Variants in TSPAN13 observed in about 807,000 individuals in gnomAD.
The protein encoded by TSPAN13 is tetraspanin-13.
In TSPAN13, 18 loss-of-function variants were observed where a neutral mutation model predicts 26.9. That is an observed-to-expected ratio of 0.67 (90% CI 0.46 to 0.99). The LOEUF (loss-of-function observed/expected upper bound fraction) is 0.99. TSPAN13 is among the 50% of genes least tolerant of loss of function. The probability of loss-of-function intolerance (pLI) is 0.00; values close to 1 mark genes in which losing one functional copy is unlikely to be tolerated. For synonymous variants in TSPAN13, 116 were observed against 98.4 expected (o/e 1.18, Z -1.06); for missense variants, 201 against 249.6 (o/e 0.81, Z 1.31).
At chr7:16,772,987 C>T (rs1784698333) in intron 1 of TSPAN13, among the ~76,000 whole-genome samples, 1 of 151,974 alleles carries the variant, frequency 6.6e-6, no homozygotes, top group African/African-American at 2.4e-5. Context: ...GAGAGCAAAA[C>T]TCTGTCTCCA....
intron 1 of TSPAN13, among the ~76,000 whole-genome samples, chr7:16,760,289 C>T (rs1784528578): frequency 1.3e-5 from 2 of 152,090 alleles, no homozygotes; most frequent in African/African-American, 4.8e-5. Context: ...ATAATTTGCA[C>T]ATGAGATGAT....
chr7:16,777,002 C>A, intron 2 of TSPAN13, 40 bp from the exon 3 acceptor site: 2 of 1,421,512 alleles, frequency 1.4e-6, no homozygotes, highest in South Asian at 1.2e-5. Flanking sequence ...TTATGCCATT[C>A]TAAGAATATT....
chr7:16,767,203 T>C (rs1191083118), intron 1 of TSPAN13, among the ~76,000 whole-genome samples: 1 of 152,250 alleles, frequency 6.6e-6, no homozygotes, highest in Non-Finnish European at 1.5e-5. Context: ...GTAGTCACTG[T>C]TCTGAAATCA....
chr7:16,773,259 C>T (rs1784703050), intron 1 of TSPAN13, among the ~76,000 whole-genome samples: 1 of 150,780 alleles, frequency 6.6e-6, no homozygotes, highest in African/African-American at 2.4e-5. Context: ...CCGAAAACTA[C>T]AGCCCACAGC....
intron 1 of TSPAN13, among the ~76,000 whole-genome samples, chr7:16,760,835 C>T (rs903831151): frequency 3.9e-5 from 6 of 151,932 alleles, no homozygotes; most frequent in Non-Finnish European, 8.8e-5. Context: ...GTGAAGAAGT[C>T]GTTGAAAAGA....
intron 1 of TSPAN13, among the ~76,000 whole-genome samples, chr7:16,756,406 G>A (rs1005236474): frequency 6.6e-6 from 1 of 152,210 alleles, no homozygotes; most frequent in Non-Finnish European, 1.5e-5. Context: ...GATTGCATAT[G>A]GGAACGGCAG....
At chr7:16,763,951 G>C (rs1272768908) in intron 1 of TSPAN13, among the ~76,000 whole-genome samples, 1 of 152,146 alleles carries the variant, frequency 6.6e-6, no homozygotes, top group East Asian at 1.9e-4. Context: ...TAGTGTAGTG[G>C]TTTAATATTT....
In TSPAN13 at chr7:16,753,938, G is replaced by C; in HGVS notation, c.-30G>C. ...GAACCTCCGCCGGAGTCGAATTTAC[G>C]TGCAGCTGCCGGCAACCACAGGTTC... On this transcript the variant is annotated 5_prime_UTR_variant, in exon 1 of 6. Coordinates refer to ENST00000262067, the MANE Select transcript of TSPAN13 (RefSeq NM_014399.4). 2 of 1,607,688 alleles carry C rather than the reference G, an allele frequency of 1.2e-6. No individual in the cohort carries two copies. Among genetic ancestry groups the C allele is most frequent in the Non-Finnish European group, 1.7e-6 (2 of 1,176,982 alleles).
chr7:16,755,538 AG>A (rs1467610359), intron 1 of TSPAN13, among the ~76,000 whole-genome samples: 2 of 115,272 alleles, frequency 1.7e-5, no homozygotes, highest in Non-Finnish European at 1.8e-5. Context: ...CCAGTTCTCT[AG>A]GGTTTTTTTT....
intron 1 of TSPAN13, among the ~76,000 whole-genome samples, chr7:16,773,206 G>A (rs1321174232): frequency 2.0e-5 from 3 of 150,802 alleles, no homozygotes; most frequent in Non-Finnish European, 2.9e-5. Context: ...TTGTCCTATT[G>A]TAATTTTTCA....
At position 16,776,378 on chromosome 7, in the gene TSPAN13, T is replaced by A; in HGVS notation, c.231T>A (p.Phe77Leu). The A allele has an allele frequency of 6.2e-7, 1 of 1,609,348 alleles. No individual in the cohort carries two copies. Among genetic ancestry groups the A allele is most frequent in the East Asian group, 2.2e-5 (1 of 44,816 alleles). Residue 77 changes from phenylalanine (F) to leucine (L), a missense_variant and splice_region_variant, in exon 2 of 6, where the codon TTT becomes TTA. Transcript: ENST00000262067. The stretch of plus-strand genomic sequence containing the variant: ...AACATCATCAGGTGTTGCTATTTTT[T>A]GTATCCTTTTTAAAAATCAAGATTT... ...AVKHHQVLLF[F>L]YMIILLLVFI...
intron 1 of TSPAN13, among the ~76,000 whole-genome samples, chr7:16,764,487 C>A (rs1731463258): frequency 6.6e-6 from 1 of 152,046 alleles, no homozygotes; most frequent in Non-Finnish European, 1.5e-5. Context: ...AGGCAACACA[C>A]AGTGTGCTCT....
Position 16,753,802 on chromosome 7 carries a change from C to T in TSPAN13, c.-166C>T, listed in dbSNP as rs978185280. 1.5e-5 allele frequency: 9 copies of T among 600,854 alleles called. No homozygotes were observed. The highest frequency in any genetic ancestry group is 7.9e-5 in the Admixed American group (2 of 25,458). 37.2% of individuals were successfully genotyped at this position (600,854 alleles called of 1,614,324 possible). ...AGGTTCCAAAGCGGGTCCGAGCCGC[C>T]GCCGCGCGCGCGCCGCGCACTGCAG... On this transcript the variant is annotated 5_prime_UTR_variant, in exon 1 of 6. Coordinates refer to ENST00000262067, the MANE Select transcript of TSPAN13 (RefSeq NM_014399.4).
At chr7:16,770,106 T>C (rs1285261052) in intron 1 of TSPAN13, among the ~76,000 whole-genome samples, 3 of 151,912 alleles carry the variant, frequency 2.0e-5, no homozygotes, top group African/African-American at 4.8e-5. Context: ...TGTGACTCTT[T>C]TTTAAGTTTG....
intron 4 of TSPAN13, 22 bp downstream of exon 4, chr7:16,777,933 T>A: frequency 1.9e-6 from 3 of 1,552,078 alleles, no homozygotes; most frequent in Non-Finnish European, 2.6e-6. Flanking sequence ...GTATAATATA[T>A]GTTTTTGGAA....
intron 1 of TSPAN13, among the ~76,000 whole-genome samples, chr7:16,764,365 T>C (rs706057): frequency 0.65 from 99,311 of 151,914 alleles, 33,730 homozygotes; most frequent in African/African-American, 0.85. Flanking sequence ...TGTATCAATC[T>C]GAAAGACACA....
chr7:16,775,550 A>C (rs1784732710), intron 1 of TSPAN13, among the ~76,000 whole-genome samples: 1 of 152,240 alleles, frequency 6.6e-6, no homozygotes, highest in African/African-American at 2.4e-5. Flanking sequence ...CAGCAATTCT[A>C]TGAGCAGTTT....
intron 1 of TSPAN13, chr7:16,775,963 A>C (rs562913809): frequency 1.1e-4 from 41 of 385,144 alleles, no homozygotes; most frequent in Non-Finnish European, 1.8e-4. Flanking sequence ...CTCTGTGAGA[A>C]TTTTGCGTAT....
chr7:16,772,958 T>G (rs1784697853), intron 1 of TSPAN13, among the ~76,000 whole-genome samples: 1 of 151,866 alleles, frequency 6.6e-6, no homozygotes, highest in Non-Finnish European at 1.5e-5. Context: ...ATTGCGCCAC[T>G]GCACTCCAGC....
Sources: allele counts gnomAD v4.1 joint callset (sites outside exome capture counted in the v4.1 genomes callset), GRCh38; gene constraint gnomAD v4.1.1; transcripts MANE v1.5; gene names NCBI Gene and HGNC (gene_info 2026-07-23, HGNC 2026-07-21).